Variants in KCNJ3 observed in about 807,000 individuals in gnomAD.
KCNJ3 encodes G protein-activated inward rectifier potassium channel 1.
Under a neutral mutation model 39.2 loss-of-function variants are expected in KCNJ3, and 4 were observed. The ratio of observed to expected loss-of-function variants is 0.10; its 90% CI spans 0.05 to 0.23. The LOEUF (loss-of-function observed/expected upper bound fraction) is 0.23. KCNJ3 is among the 10% of genes least tolerant of loss of function. KCNJ3 has a pLI of 1.00. For missense variants in KCNJ3, 276 were observed against 634.9 expected (o/e 0.43, Z 6.08); for synonymous variants, 230 against 237.4 (o/e 0.97, Z 0.29).
intron 2 of KCNJ3, among the ~76,000 whole-genome samples, chr2:154,748,039 C>T (rs1685777641): frequency 6.6e-6 from 1 of 151,870 alleles, no homozygotes; most frequent in Non-Finnish European, 1.5e-5. Context: ...TTGTTGAGGC[C>T]CCCTGCCTCC....
intron 2 of KCNJ3, among the ~76,000 whole-genome samples, chr2:154,807,563 G>C (rs1349174064): frequency 6.6e-6 from 1 of 152,146 alleles, no homozygotes; most frequent in African/African-American, 2.4e-5. Context: ...CTACCAGGTG[G>C]CATTTATCTA....
intron 2 of KCNJ3, among the ~76,000 whole-genome samples, chr2:154,758,231 TG>T (rs1685976245): frequency 6.7e-6 from 1 of 148,894 alleles, no homozygotes; most frequent in African/African-American, 2.5e-5. Flanking sequence ...GTATGGCACT[TG>T]GTCAGTAGCA....
In KCNJ3 at chr2:154,818,918, C is replaced by CTTTTTTTTTTTTTT. The variant is rs57668487; in HGVS notation, c.920-35790_920-35777dup. ...GAGCTTGAGCTGTAGCTGCAAAAGC[C>CTTTTTTTTTTTTTT]TTTTTTTTTTTTTTTTTTTTTTTTT... On this transcript the variant is annotated intron_variant, in intron 2 of 2. Transcript: ENST00000295101. Among the ~76,000 whole-genome samples, 15 of 52,434 alleles carry CTTTTTTTTTTTTTT rather than the reference C, an allele frequency of 2.9e-4. 1 individual carries two copies. The highest frequency in any genetic ancestry group is 2.8e-4 in the Non-Finnish European group (9 of 32,106). The allele number at this position is 52,434 out of a possible 152,430, so 34.4% of individuals were successfully genotyped here. A position where few individuals can be genotyped will look rare whatever the true frequency, so the allele number is the denominator to read the frequency against.
At chr2:154,740,785 A>T (rs1398056368) in intron 2 of KCNJ3, among the ~76,000 whole-genome samples, 4 of 152,074 alleles carry the variant, frequency 2.6e-5, no homozygotes, top group Non-Finnish European at 5.9e-5. Flanking sequence ...GTGGTACATG[A>T]GATGAAATCA....
At chr2:154,805,480 G>A (rs1215601402) in intron 2 of KCNJ3, among the ~76,000 whole-genome samples, 1 of 152,102 alleles carries the variant, frequency 6.6e-6, no homozygotes. Context: ...ATTATTGAAT[G>A]GTAGTGCAGG....
chr2:154,793,429 A>T (rs929886918), intron 2 of KCNJ3, among the ~76,000 whole-genome samples: 27 of 152,030 alleles, frequency 1.8e-4, no homozygotes, highest in Admixed American at 1.7e-3. Context: ...ATATACAAAC[A>T]GATGAAAACA....
intron 2 of KCNJ3, among the ~76,000 whole-genome samples, chr2:154,761,257 C>G (rs1453202416): frequency 1.3e-5 from 2 of 151,980 alleles, no homozygotes; most frequent in African/African-American, 2.4e-5. Context: ...CTCCATCAAA[C>G]TGTAGTGCCA....
At chr2:154,726,279 C>A (rs758196878) in intron 2 of KCNJ3, among the ~76,000 whole-genome samples, 4 of 151,850 alleles carry the variant, frequency 2.6e-5, no homozygotes, top group Non-Finnish European at 2.9e-5. Context: ...AAAAAAGAAT[C>A]CAATCAAAAA....
At chr2:154,761,018 T>A (rs1392369795) in intron 2 of KCNJ3, among the ~76,000 whole-genome samples, 2 of 150,726 alleles carry the variant, frequency 1.3e-5, no homozygotes, top group African/African-American at 4.9e-5. Flanking sequence ...ATTACAGGTG[T>A]GAGCCACCGT....
At chr2:154,742,371 T>G (rs1685668478) in intron 2 of KCNJ3, among the ~76,000 whole-genome samples, 1 of 151,844 alleles carries the variant, frequency 6.6e-6, no homozygotes, top group South Asian at 2.1e-4. Context: ...GACCCTGCTT[T>G]CAGGTCTTTT....
At chr2:154,793,048 A>C (rs1686661218) in intron 2 of KCNJ3, among the ~76,000 whole-genome samples, 1 of 152,108 alleles carries the variant, frequency 6.6e-6, no homozygotes, top group Admixed American at 6.6e-5. Context: ...GAACAGAATA[A>C]ATTTAGGCCA....
chr2:154,773,726 A>G (rs750187912), intron 2 of KCNJ3, among the ~76,000 whole-genome samples: 3 of 152,104 alleles, frequency 2.0e-5, no homozygotes, highest in Admixed American at 6.6e-5. Context: ...GCATTTTCAG[A>G]AGTTTTGAAG....
intron 2 of KCNJ3, among the ~76,000 whole-genome samples, chr2:154,722,911 T>C (rs1011568737): frequency 3.9e-5 from 6 of 152,116 alleles, no homozygotes; most frequent in Non-Finnish European, 8.8e-5. Context: ...ATTTTTCCCT[T>C]GATAAAGTTT....
chr2:154,751,965 T>C (rs577372784), intron 2 of KCNJ3, among the ~76,000 whole-genome samples: 1 of 152,220 alleles, frequency 6.6e-6, no homozygotes, highest in Non-Finnish European at 1.5e-5. Flanking sequence ...CCTTTGCCAA[T>C]ACAGTCACAT....
chr2:154,716,691 C>T (rs1685187718), intron 2 of KCNJ3, among the ~76,000 whole-genome samples: 1 of 152,136 alleles, frequency 6.6e-6, no homozygotes. Flanking sequence ...TCTGAATAAA[C>T]TATAAACTTC....
chr2:154,775,022 T>G (rs1037784066), intron 2 of KCNJ3, among the ~76,000 whole-genome samples: 4 of 152,158 alleles, frequency 2.6e-5, no homozygotes, highest in African/African-American at 9.7e-5. Flanking sequence ...GCTCAAGCTA[T>G]CCTCCTGTTT....
intron 2 of KCNJ3, among the ~76,000 whole-genome samples, chr2:154,716,067 T>C (rs560501993): frequency 6.6e-6 from 1 of 151,954 alleles, no homozygotes; most frequent in Non-Finnish European, 1.5e-5. Context: ...TTGCTAATAA[T>C]GGACATAATT....
chr2:154,787,184 C>T (rs951346377), intron 2 of KCNJ3, among the ~76,000 whole-genome samples: 5 of 152,118 alleles, frequency 3.3e-5, no homozygotes, highest in African/African-American at 9.7e-5. Context: ...AATTATGGCT[C>T]TCTTTCATCC....
chr2:154,727,278 T>C (rs898277490), intron 2 of KCNJ3, among the ~76,000 whole-genome samples: 31 of 152,122 alleles, frequency 2.0e-4, no homozygotes, highest in African/African-American at 7.0e-4. Flanking sequence ...CTGAAAATTA[T>C]ATTAATTTAT....
Sources: gnomAD v4.1 joint callset for allele counts (sites outside exome capture counted in the v4.1 genomes callset) on GRCh38, gnomAD v4.1.1 for gene constraint, MANE v1.5 for transcripts, NCBI Gene and HGNC (gene_info 2026-07-23, HGNC 2026-07-21) for gene names.